The following DOT1L variants were observed in gnomAD, a reference collection of about 807,000 sequenced individuals.
DOT1L encodes the protein DOT1 like histone lysine methyltransferase.
In DOT1L, 33 loss-of-function variants were observed where a neutral mutation model predicts 153.3. The observed-to-expected ratio is 0.22, with a 90% CI of 0.16 to 0.29. The LOEUF (loss-of-function observed/expected upper bound fraction) is 0.29, where lower values mean the gene tolerates loss of function less well. Ranked by LOEUF, DOT1L falls within the 10% of genes least tolerant of loss-of-function variation. The probability of loss-of-function intolerance (pLI) is 1.00; values close to 1 mark genes in which losing one functional copy is unlikely to be tolerated. For synonymous variants in DOT1L, 1,135 were observed against 965.1 expected, an observed-to-expected ratio of 1.18 and a Z score of -3.26; for missense variants, 1,847 against 2,119.9, an observed-to-expected ratio of 0.87 and a Z score of 2.53.
At chr19:2,165,504 G>T (rs2019879290) in intron 1 of DOT1L, among the ~76,000 whole-genome samples, 1 of 152,238 alleles carries the variant, frequency 6.6e-6, no homozygotes, top group African/African-American at 2.4e-5. Context: ...CTCCGGGTGT[G>T]CGCCTGGGCG....
Position 2,227,009 on chromosome 19 carries a change from G to A in DOT1L, c.4488G>A (p.Ser1496=), listed in dbSNP as rs1396369136. ...TGGCCGGCTCCTCCGTGCTGCAGTC[G>A]CTGTTCAGCTCTGTGCCGGCCGCCG... ...GSVAGSSVLQ[S]LFSSVPAAAG... is the part of the protein sequence containing the mutation. Residue 1496 remains serine, a synonymous_variant, in exon 27 of 28, where the codon TCG becomes TCA. Transcript: ENST00000398665. 1.9e-6 allele frequency: 3 copies of A among 1,591,442 alleles called. No individual in the cohort carries two copies. The highest frequency in any genetic ancestry group is 1.7e-4 in the Middle Eastern group (1 of 5,926).
At chr19:2,202,654 C>A (rs761826161) in intron 8 of DOT1L, 46 bp from the exon 9 acceptor site, 1 of 1,588,738 alleles carries the variant, frequency 6.3e-7, no homozygotes, top group Non-Finnish European at 8.6e-7. Flanking sequence ...TGGCTGTGCC[C>A]GTGAGACGAG....
Position 2,226,841 on chromosome 19 carries a change from C to T in DOT1L, c.4320C>T (p.Ser1440=), listed in dbSNP as rs747474986. Residue 1440 remains serine (S), a synonymous_variant, in exon 27 of 28, where the codon AGC becomes AGT. Transcript: ENST00000398665. ...AAAVPPGSLL[S]GPGLAPAASS... The stretch of plus-strand genomic sequence containing the variant: ...CCGTGCCTCCCGGAAGCCTCCTCAG[C>T]GGCCCCGGCCTGGCCCCGGCGGCGT... 23 of 1,578,118 alleles carry T rather than the reference C, an allele frequency of 1.5e-5. 1 individual carries two copies. Among genetic ancestry groups the T allele is most frequent in the Middle Eastern group, 3.3e-4 (2 of 5,980 alleles).
intron 27 of DOT1L, chr19:2,227,995 C>G (rs1187951710): frequency 2.3e-6 from 3 of 1,287,898 alleles, no homozygotes; most frequent in Non-Finnish European, 3.0e-6. Context: ...CACGCCCCCC[C>G]TCCACCTAAC....
chr19:2,184,903 G>A (rs979049621), intron 2 of DOT1L, among the ~76,000 whole-genome samples: 1 of 152,170 alleles, frequency 6.6e-6, no homozygotes, highest in African/African-American at 2.4e-5. Flanking sequence ...GGGTGTGTTG[G>A]TCAGGGATGT....
intron 2 of DOT1L, among the ~76,000 whole-genome samples, chr19:2,185,315 T>C (rs964373029): frequency 4.6e-5 from 7 of 152,202 alleles, no homozygotes; most frequent in African/African-American, 1.7e-4. Context: ...CCAGAGCCAC[T>C]GGTGTGTGGC....
intron 1 of DOT1L, among the ~76,000 whole-genome samples, chr19:2,178,203 A>G (rs1334974788): frequency 6.9e-6 from 1 of 144,754 alleles, no homozygotes; most frequent in Non-Finnish European, 1.5e-5. Context: ...AAGTGCTGGG[A>G]TTACAGGTGT....
chr19:2,199,075 G>T (rs891455535), intron 7 of DOT1L, among the ~76,000 whole-genome samples: 10 of 152,244 alleles, frequency 6.6e-5, no homozygotes, highest in African/African-American at 2.4e-4. Flanking sequence ...GGGAATGGAG[G>T]TGGTAGTGTT....
intron 14 of DOT1L, 118 bp downstream of exon 14, chr19:2,210,973 T>A: frequency 6.9e-7 from 1 of 1,457,674 alleles, no homozygotes; most frequent in Non-Finnish European, 9.4e-7. Context: ...GGAGCCTCCC[T>A]GTTGTGGCTG....
At position 2,191,763 on chromosome 19, in the gene DOT1L, G is replaced by A. The variant is rs1428141207; in HGVS notation, c.493+523G>A. 6.6e-6 allele frequency among the ~76,000 whole-genome samples: 1 copy of A among 152,042 alleles called. No individual in the cohort carries two copies. Among genetic ancestry groups the A allele is most frequent in the East Asian group, 1.9e-4 (1 of 5,170 alleles). On this transcript the variant is annotated intron_variant, in intron 5 of 27. Coordinates refer to ENST00000398665, the MANE Select transcript of DOT1L (RefSeq NM_032482.3). This position sits in a 1 kb window ranked among gnomAD's most constrained non-coding sequence, Gnocchi z 6.8. ...GTCTCCCTCGGCACCCCTGCGTCTGGGCCGTGCCCTGCCCCTCCCAGGTTG... is the reference window on the plus strand; with the variant it reads ...GTCTCCCTCGGCACCCCTGCGTCTGAGCCGTGCCCTGCCCCTCCCAGGTTG...
intron 23 of DOT1L, 26 bp from the exon 24 acceptor site, chr19:2,221,950 T>G (rs1460461404): frequency 1.3e-6 from 2 of 1,571,202 alleles, no homozygotes; most frequent in Non-Finnish European, 8.6e-7. Context: ...CTGTGTCCCC[T>G]GAGACCCCCA....
Position 2,193,877 on chromosome 19 carries a change from C to A in DOT1L, c.588+94C>A, listed in dbSNP as rs560439049. On this transcript the variant is annotated intron_variant, in intron 6 of 27. Transcript: ENST00000398665. The surrounding 1 kb of genome is among the most constrained non-coding windows in gnomAD (Gnocchi z 5.9). ...CCTGCACCCCACTGCTGTGGGACTT[C>A]CGAGTCTGGGTGGCGTTCTTTCCAG... The A allele has an allele frequency of 1.8e-5, 24 of 1,329,984 alleles. No individual in the cohort carries two copies. The African/African-American group carries it at 2.4e-4, about 14-fold the overall frequency. 82.4% of individuals were successfully genotyped at this position (1,329,984 alleles called of 1,614,324 possible). A position where few individuals can be genotyped will look rare whatever the true frequency, so the allele number is the denominator to read the frequency against.
At chr19:2,169,816 A>T (rs948944591) in intron 1 of DOT1L, among the ~76,000 whole-genome samples, 3 of 152,174 alleles carry the variant, frequency 2.0e-5, no homozygotes, top group Non-Finnish European at 4.4e-5. Flanking sequence ...CTTTAGCTCG[A>T]CAGTGTGAAT....
chr19:2,179,589 C>A (rs1160720482), intron 1 of DOT1L, among the ~76,000 whole-genome samples: 1 of 152,140 alleles, frequency 6.6e-6, no homozygotes, highest in East Asian at 1.9e-4. Flanking sequence ...GGGCGGATCA[C>A]CTGAGGTAAG....
In DOT1L at chr19:2,208,610, A is replaced by G. The variant is rs1225073769; in HGVS notation, c.964-325A>G. Among the ~76,000 whole-genome samples the G allele has an allele frequency of 1.3e-5, 2 of 152,120 alleles. No homozygotes were observed. The highest frequency in any genetic ancestry group is 3.9e-4 in the East Asian group (2 of 5,186). Reference sequence around the variant, plus strand: ...GCGCAGCCTCTCGCCTTCTCCTCTGAGGCGGGCGCGGTTCTTCTGTGCAGA... The same window carrying G: ...GCGCAGCCTCTCGCCTTCTCCTCTGGGGCGGGCGCGGTTCTTCTGTGCAGA... On this transcript the variant is annotated intron_variant, in intron 11 of 27. Coordinates refer to ENST00000398665, the MANE Select transcript of DOT1L (RefSeq NM_032482.3). The surrounding 1 kb of genome is among the most constrained non-coding windows in gnomAD (Gnocchi z 4.4).
Position 2,220,131 on chromosome 19 carries a change from G to A in DOT1L, c.2715G>A (p.Leu905=), listed in dbSNP as rs995202709. ...AGAGGAGCACCCCCAGTCCCGTGCT[G>A]CAGCCCCGTGACCCCTCGTCCACAC... ...ERARSTPSPV[L]QPRDPSSTLE... Residue 905 remains leucine, a synonymous_variant, in exon 23 of 28, where the codon CTG becomes CTA. Transcript: ENST00000398665. The surrounding 1 kb of genome is among the most constrained non-coding windows in gnomAD (Gnocchi z 4.5). 1.9e-6 allele frequency: 3 copies of A among 1,611,932 alleles called. No individual in the cohort carries two copies. The highest frequency in any genetic ancestry group is 2.5e-6 in the Non-Finnish European group (3 of 1,178,506).
chr19:2,186,045 T>A, intron 3 of DOT1L, 116 bp downstream of exon 3: 1 of 1,033,382 alleles, frequency 9.7e-7, no homozygotes, highest in Non-Finnish European at 1.5e-6. Flanking sequence ...GATCTGAAAT[T>A]TCCTTTTAGA....
At chr19:2,227,788 G>A in intron 27 of DOT1L, 1 of 1,314,424 alleles carries the variant, frequency 7.6e-7, no homozygotes, top group South Asian at 1.2e-5. Flanking sequence ...TTTGGAGCCC[G>A]TGTCGGCCGC....
rs1487633313 is a variant in DOT1L, at chr19:2,203,282, T to C, written c.787+503T>C. Among the ~76,000 whole-genome samples, 3 of 152,140 alleles carry C rather than the reference T, an allele frequency of 2.0e-5. No individual in the cohort carries two copies. The East Asian group carries it at 5.8e-4, about 29-fold the overall frequency. Reference sequence around the variant, plus strand: ...GCCTGGCTAATTTTTGTACTTTTAGTAGAGACAGGATTTCACCATGTTGGC... The same window carrying C: ...GCCTGGCTAATTTTTGTACTTTTAGCAGAGACAGGATTTCACCATGTTGGC... On this transcript the variant is annotated intron_variant, in intron 9 of 27. Coordinates refer to ENST00000398665, the MANE Select transcript of DOT1L (RefSeq NM_032482.3).
Sources: allele counts gnomAD v4.1 joint callset (sites outside exome capture counted in the v4.1 genomes callset), GRCh38; gene constraint gnomAD v4.1.1; non-coding constraint Gnocchi (gnomAD v3.1); transcripts MANE v1.5; gene names NCBI Gene and HGNC (gene_info 2026-07-23, HGNC 2026-07-21).